The following HECW2 variants were observed in gnomAD, a reference collection of about 807,000 sequenced individuals.
HECW2 encodes HECT, C2 and WW domain containing E3 ubiquitin protein ligase 2.
In HECW2, 61 loss-of-function variants were observed where a neutral mutation model predicts 175.2. The observed-to-expected ratio is 0.35, with a 90% CI of 0.28 to 0.43. HECW2 has a LOEUF of 0.43. Among genes scored for constraint, HECW2 ranks in the 20% least tolerant of loss-of-function variants. HECW2 has a pLI of 1.00. For missense variants in HECW2, 1,524 were observed against 2,000.5 expected (o/e 0.76, Z 4.54); for synonymous variants, 671 against 731.0 (o/e 0.92, Z 1.32).
chr2:196,208,704 C>G (rs1687156650), intron 28 of HECW2, among the ~76,000 whole-genome samples: 1 of 152,140 alleles, frequency 6.6e-6, no homozygotes, highest in African/African-American at 2.4e-5. Flanking sequence ...GCAGCAATTC[C>G]CTGAGCCTTG....
intron 28 of HECW2, among the ~76,000 whole-genome samples, chr2:196,215,548 C>G (rs1402461780): frequency 1.3e-5 from 2 of 152,148 alleles, no homozygotes; most frequent in African/African-American, 4.8e-5. Flanking sequence ...AGTTAAAACT[C>G]AAGCTTCTGG....
At chr2:196,525,024 G>A (rs1300913026) in intron 1 of HECW2, among the ~76,000 whole-genome samples, 1 of 138,826 alleles carries the variant, frequency 7.2e-6, no homozygotes, top group Non-Finnish European at 1.5e-5. Flanking sequence ...TCAATTCCTG[G>A]GTATCCTTGT....
intron 3 of HECW2, among the ~76,000 whole-genome samples, chr2:196,342,969 T>TAATA (rs1553503714): frequency 3.3e-5 from 5 of 150,994 alleles, no homozygotes; most frequent in Admixed American, 6.6e-5. Context: ...TACCATACAT[T>TAATA]ATGTATATGT....
chr2:196,561,371 C>T (rs1575674110), intron 1 of HECW2, among the ~76,000 whole-genome samples: 2 of 152,178 alleles, frequency 1.3e-5, no homozygotes, highest in East Asian at 1.9e-4. Context: ...AATGACAATG[C>T]GTGCACAGTG....
At chr2:196,587,167 T>C (rs1034423131) in intron 1 of HECW2, among the ~76,000 whole-genome samples, 1 of 152,246 alleles carries the variant, frequency 6.6e-6, no homozygotes, top group Non-Finnish European at 1.5e-5. Flanking sequence ...ATTAATTTTA[T>C]AAAGGAAAGC....
At chr2:196,303,063 C>A (rs1367758811) in intron 13 of HECW2, among the ~76,000 whole-genome samples, 1 of 152,136 alleles carries the variant, frequency 6.6e-6, no homozygotes, top group Non-Finnish European at 1.5e-5. Context: ...CCATATATGG[C>A]TCTTATTACT....
At position 196,461,529 on chromosome 2, in the gene HECW2, C is replaced by T. The variant is rs558573575; in HGVS notation, c.-35-28071G>A. On this transcript the variant is annotated intron_variant, in intron 1 of 28. Transcript: ENST00000644978. ...AAATGAAAACATATCCACACAAAGACTTATTGTATTAGTCCATTTTTACAC... is the reference window on the plus strand; with the variant it reads ...AAATGAAAACATATCCACACAAAGATTTATTGTATTAGTCCATTTTTACAC... Among the ~76,000 whole-genome samples, 5 of 152,290 alleles carry T rather than the reference C, an allele frequency of 3.3e-5. No individual in the cohort carries two copies. In the South Asian group the frequency reaches 6.2e-4, roughly 19 times the overall value.
intron 10 of HECW2, chr2:196,316,794 A>G (rs75188587): frequency 1.3e-5 from 2 of 153,926 alleles, no homozygotes; most frequent in East Asian, 1.9e-4. Context: ...TAGTAGACTA[A>G]TTTCTGAAAT....
At chr2:196,433,820 T>C (rs558815722) in intron 1 of HECW2, among the ~76,000 whole-genome samples, 3 of 152,272 alleles carry the variant, frequency 2.0e-5, no homozygotes, top group African/African-American at 7.2e-5. Context: ...CCCACACACA[T>C]ATTTATTTGC....
At chr2:196,530,331 T>C (rs1299149295) in intron 1 of HECW2, among the ~76,000 whole-genome samples, 1 of 152,192 alleles carries the variant, frequency 6.6e-6, no homozygotes, top group Non-Finnish European at 1.5e-5. Flanking sequence ...GCCTGGACAG[T>C]AATAGATTAA....
chr2:196,403,535 C>T lies in HECW2; in HGVS notation c.292+29597G>A, dbSNP rs181226527. 1.6e-4 allele frequency among the ~76,000 whole-genome samples: 24 copies of T among 152,298 alleles called. No individual in the cohort carries two copies. In the East Asian group the frequency reaches 4.2e-3, roughly 27 times the overall value. The stretch of plus-strand genomic sequence containing the variant: ...ATTTATACTATGCAGCTCATTTCTG[C>T]AAAATGTGACTTGATTACAAAGTAC... On this transcript the variant is annotated intron_variant, in intron 2 of 28. Coordinates refer to ENST00000644978, the MANE Select transcript of HECW2 (RefSeq NM_001348768.2).
intron 1 of HECW2, among the ~76,000 whole-genome samples, chr2:196,447,637 T>C (rs1266337375): frequency 6.6e-6 from 1 of 152,220 alleles, no homozygotes; most frequent in Non-Finnish European, 1.5e-5. Flanking sequence ...ATGGGAAAGT[T>C]AACAGAGGCT....
chr2:196,459,957 T>C (rs979649431), intron 1 of HECW2, among the ~76,000 whole-genome samples: 1 of 152,154 alleles, frequency 6.6e-6, no homozygotes, highest in Non-Finnish European at 1.5e-5. Context: ...ACTCCTCCTA[T>C]TGCTTACAGA....
rs79918515 is a variant in HECW2 at position 196,549,979 on chromosome 2, T to TG, written c.-36+43528dup. On this transcript the variant is annotated intron_variant, in intron 1 of 28. Coordinates refer to ENST00000644978, the MANE Select transcript of HECW2 (RefSeq NM_001348768.2). ...GAAGGAGACAGGCATTTGCAGGGTC[T>TG]GGCTGACAAGCTTCACTGATAAACA... Among the ~76,000 whole-genome samples, 372 of 152,340 alleles carry TG rather than the reference T, an allele frequency of 2.4e-3. 10 individuals carry two copies. The East Asian group carries it at 0.056, about 23-fold the overall frequency.
At chr2:196,462,098 G>A (rs1009114563) in intron 1 of HECW2, among the ~76,000 whole-genome samples, 1 of 151,832 alleles carries the variant, frequency 6.6e-6, no homozygotes, top group East Asian at 1.9e-4. Context: ...TTAGAAACAG[G>A]TTTTTTCCTC....
chr2:196,305,022 A>G (rs748888273), intron 13 of HECW2, among the ~76,000 whole-genome samples: 1 of 152,192 alleles, frequency 6.6e-6, no homozygotes, highest in Admixed American at 6.5e-5. Context: ...ACTAATCTCA[A>G]ATCCAAACCT....
intron 1 of HECW2, among the ~76,000 whole-genome samples, chr2:196,448,495 G>C (rs1246118151): frequency 1.3e-5 from 2 of 152,122 alleles, no homozygotes; most frequent in African/African-American, 2.4e-5. Flanking sequence ...ATGGAACCCA[G>C]GTTTATCCAC....
At chr2:196,459,678 C>A (rs1228210035) in intron 1 of HECW2, among the ~76,000 whole-genome samples, 1 of 152,150 alleles carries the variant, frequency 6.6e-6, no homozygotes, top group African/African-American at 2.4e-5. Flanking sequence ...CCTCCTGAAA[C>A]CGCCCCTCCT....
At chr2:196,308,143 G>T in intron 10 of HECW2, 58 bp from the exon 11 acceptor site, 1 of 1,308,718 alleles carries the variant, frequency 7.6e-7, no homozygotes, top group Non-Finnish European at 1.0e-6. Context: ...TGATTAATAG[G>T]GTTCATTAAG....
Sources: gnomAD v4.1 joint callset for allele counts (sites outside exome capture counted in the v4.1 genomes callset) on GRCh38, gnomAD v4.1.1 for gene constraint, MANE v1.5 for transcripts, NCBI Gene and HGNC (gene_info 2026-07-23, HGNC 2026-07-21) for gene names.